The following GALNT6 variants were observed in gnomAD, a reference collection of about 807,000 sequenced individuals.
GALNT6 encodes polypeptide N-acetylgalactosaminyltransferase 6, also known as GalNAc transferase 6.
Under a neutral mutation model 65.9 loss-of-function variants are expected in GALNT6, and 51 were observed. The ratio of observed to expected loss-of-function variants is 0.77; its 90% CI spans 0.62 to 0.98. The LOEUF is 0.98. GALNT6 is among the 50% of genes least tolerant of loss of function. The pLI is 0.00. For missense variants in GALNT6, 708 were observed against 803.3 expected, an observed-to-expected ratio of 0.88 and a Z score of 1.43; for synonymous variants, 323 against 315.1, an observed-to-expected ratio of 1.02 and a Z score of -0.26.
chr12:51,377,192 C>T lies in GALNT6; in HGVS notation c.664+3G>A. The T allele has an allele frequency of 1.2e-6, 2 of 1,613,294 alleles. No homozygotes were observed. Among genetic ancestry groups the T allele is most frequent in the Non-Finnish European group, 1.7e-6 (2 of 1,179,940 alleles). On this transcript the variant is annotated splice_donor_region_variant and intron_variant, in intron 4 of 11. Coordinates refer to ENST00000356317, the MANE Select transcript of GALNT6 (RefSeq NM_007210.4). ...CCCCTCCTCTGGGCCCCTCCAGCCT[C>T]ACCCTCTGTGCTGGCATCATCCACC...
chr12:51,377,357 G>T lies in GALNT6; in HGVS notation c.502C>A (p.Gln168Lys), dbSNP rs1947495871. The T allele has an allele frequency of 2.5e-6, 4 of 1,612,364 alleles. No individual in the cohort carries two copies. Among genetic ancestry groups the T allele is most frequent in the Non-Finnish European group, 3.4e-6 (4 of 1,179,966 alleles). ...PDTRPPECVDQKFRRCPPLAT... is the reference protein window; with the variant it reads ...PDTRPPECVDKKFRRCPPLAT... Reference sequence around the variant, plus strand: ...AGTGGGGGGCAGCGCCGGAACTTCTGGTCCACACACCTGGAAGTATGAAAG... The same window carrying T: ...AGTGGGGGGCAGCGCCGGAACTTCTTGTCCACACACCTGGAAGTATGAAAG... The change falls in exon 4 of 12, where the codon CAG becomes AAG. Residue 168 changes from glutamine (Q) to lysine (K), a missense_variant. Coordinates refer to ENST00000356317, the MANE Select transcript of GALNT6 (RefSeq NM_007210.4).
intron 4 of GALNT6, among the ~76,000 whole-genome samples, chr12:51,374,841 C>T (rs565174455): frequency 9.0e-4 from 137 of 152,348 alleles, no homozygotes; most frequent in African/African-American, 3.1e-3. Flanking sequence ...TGCCGATTAT[C>T]CTCCTCCAAA....
In GALNT6 at chr12:51,353,087, G is replaced by A. The variant is rs781087443; in HGVS notation, c.*1292C>T. 3.3e-5 allele frequency: 5 copies of A among 152,298 alleles called. No individual in the cohort carries two copies. The highest frequency in any genetic ancestry group is 7.3e-5 in the Non-Finnish European group (5 of 68,106). 9.4% of individuals were successfully genotyped at this position (152,298 alleles called of 1,614,324 possible). Reference sequence around the variant, plus strand: ...CTAGCGTTCTTGTGGTGCAGCGGAAGGAGCCCTGGCTCAGCATTGAAGAAC... The same window carrying A: ...CTAGCGTTCTTGTGGTGCAGCGGAAAGAGCCCTGGCTCAGCATTGAAGAAC... On this transcript the variant is annotated 3_prime_UTR_variant, in exon 12 of 12. Transcript: ENST00000356317.
intron 2 of GALNT6, among the ~76,000 whole-genome samples, chr12:51,382,038 G>A (rs1947690749): frequency 1.3e-5 from 2 of 152,204 alleles, no homozygotes. Context: ...GTGGGGAGGT[G>A]GATTCATTCT....
At chr12:51,382,910 C>T (rs888490876) in intron 2 of GALNT6, among the ~76,000 whole-genome samples, 19 of 152,110 alleles carry the variant, frequency 1.2e-4, no homozygotes, top group African/African-American at 4.6e-4. Flanking sequence ...CAATTCCTTT[C>T]CCCAAGGGAT....
chr12:51,372,712 T>C (rs1947328310), intron 4 of GALNT6, among the ~76,000 whole-genome samples: 1 of 152,246 alleles, frequency 6.6e-6, no homozygotes, highest in African/African-American at 2.4e-5. Context: ...TGTTAGATGC[T>C]GCCTATGCCA....
chr12:51,376,670 G>C (rs1947465089), intron 4 of GALNT6, among the ~76,000 whole-genome samples: 1 of 151,944 alleles, frequency 6.6e-6, no homozygotes, highest in South Asian at 2.1e-4. Flanking sequence ...TGACCTATGG[G>C]GGTTTTTAGT....
rs566724154 is a variant in GALNT6 at position 51,373,829 on chromosome 12, T to C, written c.664+3366A>G. On this transcript the variant is annotated intron_variant, in intron 4 of 11. Transcript: ENST00000356317. Reference sequence around the variant, plus strand: ...ATTCCTTGTCCACCAGACCCTGTCATTGCATCCCTGATACTTGCTTGCCTT... The same window carrying C: ...ATTCCTTGTCCACCAGACCCTGTCACTGCATCCCTGATACTTGCTTGCCTT... Among the ~76,000 whole-genome samples, 5 of 152,318 alleles carry C rather than the reference T, an allele frequency of 3.3e-5. No individual in the cohort carries two copies. In the South Asian group the frequency reaches 1.0e-3, roughly 32 times the overall value.
rs11350640 is a variant in GALNT6, at chr12:51,353,913, CT to C, written c.*465del. The C allele has an allele frequency of 0.68, 101,739 of 149,424 alleles. 35,059 individuals are homozygous for C. The highest frequency in any genetic ancestry group is 0.75 in the Non-Finnish European group (50,499 of 67,556). The allele number at this position is 149,424 out of a possible 1,614,324, so 9.3% of individuals were successfully genotyped here. The stretch of plus-strand genomic sequence containing the variant: ...TACAGGCATAAGCCACCATACCCAG[CT>C]TTTTTTTTTTGCCGGGGGGAGGGTG... On this transcript the variant is annotated 3_prime_UTR_variant, in exon 12 of 12. Coordinates refer to ENST00000356317, the MANE Select transcript of GALNT6 (RefSeq NM_007210.4).
intron 8 of GALNT6, among the ~76,000 whole-genome samples, chr12:51,358,718 C>T (rs1946827269): frequency 6.6e-6 from 1 of 152,158 alleles, no homozygotes; most frequent in Non-Finnish European, 1.5e-5. Flanking sequence ...GATACTGGCC[C>T]AGCCCTCACA....
At chr12:51,363,987 G>A in intron 6 of GALNT6, 134 bp downstream of exon 6, 1 of 708,166 alleles carries the variant, frequency 1.4e-6, no homozygotes, top group East Asian at 2.5e-5. Context: ...CTGCTTCATA[G>A]GGAGTGAGGA....
intron 2 of GALNT6, among the ~76,000 whole-genome samples, chr12:51,389,180 G>A (rs1056361750): frequency 2.6e-5 from 4 of 152,226 alleles, no homozygotes; most frequent in African/African-American, 9.6e-5. Context: ...AGAGGACTGT[G>A]TAAAGAGCTG....
chr12:51,359,020 G>A (rs1946835187), intron 8 of GALNT6, 112 bp downstream of exon 8: 3 of 807,148 alleles, frequency 3.7e-6, no homozygotes, highest in Non-Finnish European at 6.2e-6. Context: ...GAGGGTGAAG[G>A]GAGGCGCCAG....
At chr12:51,363,679 C>G (rs1336654298) in intron 6 of GALNT6, among the ~76,000 whole-genome samples, 1 of 152,208 alleles carries the variant, frequency 6.6e-6, no homozygotes, top group Non-Finnish European at 1.5e-5. Flanking sequence ...GCACATACCA[C>G]TCCCTCTTAT....
intron 4 of GALNT6, among the ~76,000 whole-genome samples, chr12:51,371,634 C>T (rs1307976926): frequency 6.6e-6 from 1 of 151,992 alleles, no homozygotes; most frequent in Non-Finnish European, 1.5e-5. Context: ...GTGGAGTGTG[C>T]CAGACAGGGA....
At chr12:51,370,881 C>T (rs948793821) in intron 4 of GALNT6, among the ~76,000 whole-genome samples, 7 of 151,938 alleles carry the variant, frequency 4.6e-5, no homozygotes, top group South Asian at 4.2e-4. Context: ...AAAAAAGTTC[C>T]GGAGATGGTT....
intron 2 of GALNT6, among the ~76,000 whole-genome samples, chr12:51,388,567 A>G (rs571909851): frequency 6.6e-6 from 1 of 152,052 alleles, no homozygotes; most frequent in Non-Finnish European, 1.5e-5. Context: ...TTGCTGCCTC[A>G]GTTTCTAGGT....
chr12:51,355,917 G>C lies in GALNT6; in HGVS notation c.1644C>G (p.Ile548Met). The C allele has an allele frequency of 6.2e-7, 1 of 1,613,648 alleles. No homozygotes were observed. The highest frequency in any genetic ancestry group is 8.5e-7 in the Non-Finnish European group (1 of 1,179,702). The change falls in exon 11 of 12, where the codon ATC (isoleucine) becomes ATG (methionine). Residue 548 changes from isoleucine (I) to methionine (M), a missense_variant. Coordinates refer to ENST00000356317, the MANE Select transcript of GALNT6 (RefSeq NM_007210.4). ...TGACATGTAGACACAGCTGCTTTGC[G>C]ATGTTGTGGCGAAGGTCCCTCTGAG... Reference protein sequence around the residue: ...YTTQRDLRHNIAKQLCLHVSK... With the variant: ...YTTQRDLRHNMAKQLCLHVSK...
At chr12:51,363,328 G>A (rs998540906) in intron 6 of GALNT6, among the ~76,000 whole-genome samples, 3 of 152,156 alleles carry the variant, frequency 2.0e-5, no homozygotes, top group African/African-American at 4.8e-5. Context: ...AGGGAAAGGT[G>A]AGCCCAGTGG....
Sources: gnomAD v4.1 joint callset for allele counts (sites outside exome capture counted in the v4.1 genomes callset) on GRCh38, gnomAD v4.1.1 for gene constraint, MANE v1.5 for transcripts, NCBI Gene and HGNC (gene_info 2026-07-23, HGNC 2026-07-21) for gene names.